Variants in CCSER1 observed in about 807,000 individuals in gnomAD.
CCSER1 encodes the protein coiled-coil serine rich protein 1.
Under a neutral mutation model 82.0 loss-of-function variants are expected in CCSER1, and 41 were observed. The observed-to-expected ratio is 0.50, with a 90% CI of 0.39 to 0.65. CCSER1 has a LOEUF of 0.65. Ranked by LOEUF, CCSER1 falls within the 30% of genes least tolerant of loss-of-function variation. CCSER1 has a pLI of 0.00. For synonymous variants in CCSER1, 414 were observed against 383.9 expected (o/e 1.08, Z -0.92); for missense variants, 1,119 against 1,064.2 (o/e 1.05, Z -0.72).
At chr4:90,929,346 T>C (rs1383279530) in intron 9 of CCSER1, among the ~76,000 whole-genome samples, 1 of 152,204 alleles carries the variant, frequency 6.6e-6, no homozygotes, top group African/African-American at 2.4e-5. Flanking sequence ...TATACTATAT[T>C]ATTTTCTATA....
chr4:91,265,780 T>A (rs1412630341), intron 10 of CCSER1, among the ~76,000 whole-genome samples: 2 of 152,186 alleles, frequency 1.3e-5, no homozygotes, highest in Non-Finnish European at 2.9e-5. Flanking sequence ...TAGGAAGTAT[T>A]TTGAACACTG....
At chr4:90,248,340 G>T (rs1332538237) in intron 1 of CCSER1, among the ~76,000 whole-genome samples, 1 of 152,180 alleles carries the variant, frequency 6.6e-6, no homozygotes, top group Non-Finnish European at 1.5e-5. Flanking sequence ...AAAAATTTCT[G>T]ATGATAACTT....
intron 10 of CCSER1, among the ~76,000 whole-genome samples, chr4:91,087,518 A>C (rs1723506443): frequency 6.6e-6 from 1 of 152,104 alleles, no homozygotes; most frequent in Non-Finnish European, 1.5e-5. Context: ...ACATGGTAAA[A>C]TGTGTTTAAA....
chr4:90,507,294 T>C (rs1435333536), intron 5 of CCSER1, among the ~76,000 whole-genome samples: 1 of 149,172 alleles, frequency 6.7e-6, no homozygotes, highest in Admixed American at 6.7e-5. Context: ...CCTTCCTTTG[T>C]CCCTGAAAAA....
intron 1 of CCSER1, among the ~76,000 whole-genome samples, chr4:90,188,309 CA>C: frequency 6.6e-6 from 1 of 151,840 alleles, no homozygotes; most frequent in African/African-American, 2.4e-5. Context: ...TATATAGTAG[CA>C]GTCATATCTT....
chr4:91,020,963 G>A (rs1357465517), intron 9 of CCSER1, among the ~76,000 whole-genome samples: 1 of 152,074 alleles, frequency 6.6e-6, no homozygotes, highest in African/African-American at 2.4e-5. Context: ...CAAGCTACTA[G>A]CTACATTCCT....
rs186876571 is a variant in CCSER1, at chr4:90,268,240, A to C, written c.-41-40004A>C. On this transcript the variant is annotated intron_variant, in intron 1 of 10. Coordinates refer to ENST00000509176, the MANE Select transcript of CCSER1 (RefSeq NM_001145065.2). ...CACTGGTAGTAATAAATATGCAGAA[A>C]AACACAGAATATTATAATGTTGTAA... Among the ~76,000 whole-genome samples, 326 of 152,326 alleles carry C rather than the reference A, an allele frequency of 2.1e-3. 2 individuals carry two copies. Among genetic ancestry groups the C allele is most frequent in the African/African-American group, 7.3e-3 (304 of 41,584 alleles).
chr4:91,199,315 G>A (rs1223780486), intron 10 of CCSER1, among the ~76,000 whole-genome samples: 1 of 152,080 alleles, frequency 6.6e-6, no homozygotes, highest in Non-Finnish European at 1.5e-5. Flanking sequence ...AAAAAGAAAT[G>A]TCCGTTGCAA....
intron 5 of CCSER1, among the ~76,000 whole-genome samples, chr4:90,512,292 T>C (rs1771633478): frequency 1.3e-5 from 2 of 151,396 alleles, no homozygotes; most frequent in African/African-American, 2.4e-5. Context: ...TTGGTAAAAT[T>C]TCTTGAATTC....
chr4:90,895,951 A>AT (rs1488747356), intron 8 of CCSER1, among the ~76,000 whole-genome samples: 1 of 152,004 alleles, frequency 6.6e-6, no homozygotes, highest in Admixed American at 6.6e-5. Flanking sequence ...TGGAGCATAT[A>AT]TTAAGTGATA....
rs1056861935 is a variant in CCSER1, at chr4:90,406,157, G to A, written c.1603+6028G>A. Among the ~76,000 whole-genome samples the A allele has an allele frequency of 3.3e-5, 5 of 152,118 alleles. No homozygotes were observed. The South Asian group carries it at 1.0e-3, about 32-fold the overall frequency. The stretch of plus-strand genomic sequence containing the variant: ...AGAATTCACATGAACTTAAGATAAA[G>A]GGGTGGAAAAAGATATTCCATGCAA... On this transcript the variant is annotated intron_variant, in intron 4 of 10. Transcript: ENST00000509176.
Position 91,149,165 on chromosome 4 carries a change from A to G in CCSER1, c.2217+63171A>G, listed in dbSNP as rs997719544. On this transcript the variant is annotated intron_variant, in intron 10 of 10. Transcript: ENST00000509176. ...CCTGTTGTTTCCTGACTTTTTAATG[A>G]TCACCATTCTAACTGGTGTGAGATG... Among the ~76,000 whole-genome samples the G allele has an allele frequency of 7.9e-5, 12 of 152,208 alleles. 1 individual carries two copies. Among genetic ancestry groups the G allele is most frequent in the Admixed American group, 7.9e-4 (12 of 15,282 alleles).
chr4:91,125,447 TAA>T (rs1727427195), intron 10 of CCSER1, among the ~76,000 whole-genome samples: 9 of 151,856 alleles, frequency 5.9e-5, no homozygotes, highest in Middle Eastern at 3.4e-3. Context: ...TAGTCTGCAT[TAA>T]AAATTGGCAG....
At chr4:91,450,230 C>T (rs1055544511) in intron 10 of CCSER1, among the ~76,000 whole-genome samples, 1 of 151,842 alleles carries the variant, frequency 6.6e-6, no homozygotes. Context: ...CCTCACATAC[C>T]GACGATCATG....
At chr4:91,535,529 T>G (rs1468776874) in intron 10 of CCSER1, among the ~76,000 whole-genome samples, 1 of 152,200 alleles carries the variant, frequency 6.6e-6, no homozygotes, top group Non-Finnish European at 1.5e-5. Flanking sequence ...CTGCTCAATG[T>G]CATTATTAGC....
At chr4:90,884,918 C>A (rs1404879702) in intron 8 of CCSER1, among the ~76,000 whole-genome samples, 2 of 152,022 alleles carry the variant, frequency 1.3e-5, no homozygotes, top group Non-Finnish European at 2.9e-5. Context: ...GATTGCACAA[C>A]AATACTGTTG....
At position 91,583,025 on chromosome 4, in the gene CCSER1, C is replaced by CT. The variant is rs1763808089; in HGVS notation, c.2218-15545dup. Among the ~76,000 whole-genome samples the CT allele has an allele frequency of 2.0e-5, 3 of 151,362 alleles. 1 individual carries two copies. In the Admixed American group the frequency reaches 2.0e-4, roughly 10 times the overall value. ...ATACTGTATATCGTTGTATAGTCCA[C>CT]TTAAGCCTAAACTATATATGAAAGC... On this transcript the variant is annotated intron_variant, in intron 10 of 10. Transcript: ENST00000509176.
rs1281597236 is a variant in CCSER1 at position 90,308,570 on chromosome 4, G to T, written c.286G>T (p.Gly96Cys). Residue 96 changes from glycine (G) to cysteine (C), a missense_variant, in exon 2 of 11, where the codon GGT becomes TGT. Physicochemically the swap from Gly to Cys is radical, Grantham distance 159. Transcript: ENST00000509176. ...TAGTATTTCAAATGGTGCTCAACCT[G>T]GTCACAGCAATATGCAGAAACTGAG... is the stretch of plus-strand genomic sequence containing the variant. Reference protein sequence around the residue: ...NLSISNGAQPGHSNMQKLSLE... With the variant: ...NLSISNGAQPCHSNMQKLSLE... 1.2e-6 allele frequency: 2 copies of T among 1,613,880 alleles called. No individual in the cohort carries two copies. The highest frequency in any genetic ancestry group is 2.2e-5 in the South Asian group (2 of 91,076).
At chr4:90,466,984 C>A (rs181987504) in intron 4 of CCSER1, among the ~76,000 whole-genome samples, 1 of 152,154 alleles carries the variant, frequency 6.6e-6, no homozygotes, top group African/African-American at 2.4e-5. Flanking sequence ...ATAAATAAAT[C>A]GTGGTATATT....
Sources: gnomAD v4.1 joint callset for allele counts (sites outside exome capture counted in the v4.1 genomes callset) on GRCh38, gnomAD v4.1.1 for gene constraint, MANE v1.5 for transcripts, NCBI Gene and HGNC (gene_info 2026-07-23, HGNC 2026-07-21) for gene names.